RABEP1: variants seen among roughly 807,000 people sequenced by gnomAD.
RABEP1 encodes the protein rabaptin, RAB GTPase binding effector protein 1, also known as rab GTPase-binding effector protein 1.
RABEP1 carries 51 observed loss-of-function variants against 123.4 expected under a neutral mutation model. The ratio of observed to expected loss-of-function variants is 0.41; its 90% CI spans 0.33 to 0.52. RABEP1 has a LOEUF of 0.52. Among genes scored for constraint, RABEP1 ranks in the 20% least tolerant of loss-of-function variants. RABEP1 has a pLI of 0.16. For synonymous variants in RABEP1, 347 were observed against 355.2 expected, an observed-to-expected ratio of 0.98 and a Z score of 0.26; for missense variants, 888 against 996.3, an observed-to-expected ratio of 0.89 and a Z score of 1.46.
intron 1 of RABEP1, among the ~76,000 whole-genome samples, chr17:5,287,598 CAAAAAAAAA>C (rs55858409): frequency 2.6e-4 from 16 of 61,194 alleles, no homozygotes; most frequent in African/African-American, 9.5e-4. Context: ...GACTCTGTCG[CAAAAAAAAA>C]AAAAAAAAAA....
chr17:5,321,694 T>C (rs2075356503), intron 2 of RABEP1, among the ~76,000 whole-genome samples: 2 of 152,196 alleles, frequency 1.3e-5, no homozygotes. Context: ...GGATATTTCA[T>C]GCAACTGGAA....
chr17:5,373,259 A>T, intron 12 of RABEP1, 55 bp from the exon 13 acceptor site: 2 of 1,559,172 alleles, frequency 1.3e-6, no homozygotes, highest in South Asian at 1.2e-5. Flanking sequence ...TGGTGTAGCT[A>T]TCACCAGACC....
intron 5 of RABEP1, among the ~76,000 whole-genome samples, chr17:5,340,084 T>A (rs572224350): frequency 3.9e-5 from 6 of 152,332 alleles, no homozygotes; most frequent in Admixed American, 2.6e-4. Context: ...CAGATTAAAA[T>A]TGACCTTTAC....
In RABEP1 at chr17:5,282,474, C is replaced by G; in HGVS notation, c.-13C>G. 7.4e-7 allele frequency: 1 copy of G among 1,342,796 alleles called. No individual in the cohort carries two copies. The highest frequency in any genetic ancestry group is 9.6e-7 in the Non-Finnish European group (1 of 1,041,504). The allele number at this position is 1,342,796 out of a possible 1,614,324, so 83.2% of individuals were successfully genotyped here. ...CCCGCCCATCCCCGCTCCCCGAGGC[C>G]GGCCGCCTGGTCATGGCGCAGCCGG... On this transcript the variant is annotated 5_prime_UTR_variant, in exon 1 of 18. Transcript: ENST00000537505.
At chr17:5,292,882 A>G (rs962272596) in intron 1 of RABEP1, among the ~76,000 whole-genome samples, 1 of 152,244 alleles carries the variant, frequency 6.6e-6, no homozygotes, top group Middle Eastern at 3.4e-3. Flanking sequence ...AGGTTTTTCC[A>G]TGTTGCCCAG....
Position 5,346,793 on chromosome 17 carries a change from A to G in RABEP1, c.652A>G (p.Lys218Glu), listed in dbSNP as rs749735839. 11 of 1,558,342 alleles carry G rather than the reference A, an allele frequency of 7.1e-6. No individual in the cohort carries two copies. The highest frequency in any genetic ancestry group is 9.6e-6 in the Non-Finnish European group (11 of 1,149,470). ...ATGGAATTGCATCTTCTTTCAGGTT[A>G]AAGAACTGAATCATTATCTGGAAGC... is the stretch of plus-strand genomic sequence containing the variant. The part of the protein sequence containing the change: ...KIKELEASKV[K>E]ELNHYLEAEK... Residue 218 changes from lysine (K) to glutamate (E), a missense_variant, in exon 6 of 18, where the codon AAA becomes GAA. Coordinates refer to ENST00000537505, the MANE Select transcript of RABEP1 (RefSeq NM_004703.6).
intron 1 of RABEP1, among the ~76,000 whole-genome samples, chr17:5,289,307 T>G (rs2075010003): frequency 6.6e-6 from 1 of 151,934 alleles, no homozygotes; most frequent in Admixed American, 6.6e-5. Context: ...TCTTTGTAAA[T>G]TATATTAGCC....
rs753410845 is a variant in RABEP1, at chr17:5,343,670, C to CTTTTTTTTTTTT, written c.649-3108_649-3097dup. ...AAAAAGATTTCTTTCTTTCTTTTCTCTTTTTTTTTTTTTTTTTTTTTTTGA... is the reference window on the plus strand; with the variant it reads ...AAAAAGATTTCTTTCTTTCTTTTCTCTTTTTTTTTTTTTTTTTTTTTTTTTTTTTTTTTTTGA... On this transcript the variant is annotated intron_variant, in intron 5 of 17. Coordinates refer to ENST00000537505, the MANE Select transcript of RABEP1 (RefSeq NM_004703.6). 1.5e-4 allele frequency among the ~76,000 whole-genome samples: 15 copies of CTTTTTTTTTTTT among 99,934 alleles called. 1 individual carries two copies. The highest frequency in any genetic ancestry group is 2.3e-4 in the African/African-American group (6 of 25,722). 65.6% of individuals were successfully genotyped at this position (99,934 alleles called of 152,430 possible). A position where few individuals can be genotyped will look rare whatever the true frequency, so the allele number is the denominator to read the frequency against.
intron 3 of RABEP1, among the ~76,000 whole-genome samples, chr17:5,333,189 G>A (rs1906729190): frequency 6.6e-6 from 1 of 151,998 alleles, no homozygotes; most frequent in Admixed American, 6.6e-5. Context: ...TTGAGATGGA[G>A]TCTCACTCTG....
chr17:5,335,938 TGTTA>T lies in RABEP1; in HGVS notation c.528+598_528+601del, dbSNP rs1907038437. On this transcript the variant is annotated intron_variant, in intron 4 of 17. Coordinates refer to ENST00000537505, the MANE Select transcript of RABEP1 (RefSeq NM_004703.6). Reference sequence around the variant, plus strand: ...GTCTAAAGCAAAGTTTTAGAATAGATGTTAGTTTTCCTTCTTTCTCGGTATCCTT... The same window carrying T: ...GTCTAAAGCAAAGTTTTAGAATAGATGTTTTCCTTCTTTCTCGGTATCCTT... Among the ~76,000 whole-genome samples the T allele has an allele frequency of 2.6e-5, 4 of 152,276 alleles. No homozygotes were observed. The South Asian group carries it at 8.3e-4, about 32-fold the overall frequency.
chr17:5,318,905 A>G (rs943539980), intron 2 of RABEP1, among the ~76,000 whole-genome samples: 2 of 152,234 alleles, frequency 1.3e-5, no homozygotes, highest in African/African-American at 4.8e-5. Flanking sequence ...TCAACATTCA[A>G]AAATCAATGT....
chr17:5,336,283 T>G (rs1907075379), intron 4 of RABEP1, among the ~76,000 whole-genome samples: 1 of 152,182 alleles, frequency 6.6e-6, no homozygotes, highest in Non-Finnish European at 1.5e-5. Flanking sequence ...TTAGAACTGT[T>G]TTTGATTATC....
chr17:5,315,481 A>G lies in RABEP1; in HGVS notation c.163+6659A>G, dbSNP rs143189262. On this transcript the variant is annotated intron_variant, in intron 2 of 17. Coordinates refer to ENST00000537505, the MANE Select transcript of RABEP1 (RefSeq NM_004703.6). ...AAGGAATAGTAAAGAATATTTGAAG[A>G]GATAATAACTTAGATTTTTACTAAT... Among the ~76,000 whole-genome samples, 338 of 152,352 alleles carry G rather than the reference A, an allele frequency of 2.2e-3. 1 individual carries two copies. Among genetic ancestry groups the G allele is most frequent in the Middle Eastern group, 0.014 (4 of 294 alleles).
chr17:5,294,163 T>A (rs2075058590), intron 1 of RABEP1, among the ~76,000 whole-genome samples: 1 of 152,130 alleles, frequency 6.6e-6, no homozygotes, highest in African/African-American at 2.4e-5. Context: ...TTTGGGAGGC[T>A]GAGGCGGGGG....
chr17:5,332,092 A>G lies in RABEP1; in HGVS notation c.307A>G (p.Ile103Val). The G allele has an allele frequency of 3.1e-6, 5 of 1,614,184 alleles. No individual in the cohort carries two copies. The highest frequency in any genetic ancestry group is 1.3e-5 in the African/African-American group (1 of 75,058). ...TVSENTKQEA[I>V]DEVKRQWREE... The stretch of plus-strand genomic sequence containing the variant: ...CTCTGAGAACACCAAGCAAGAAGCT[A>G]TAGATGAAGTGAAAAGACAGTGGAG... The change falls in exon 3 of 18, where the codon ATA (isoleucine) becomes GTA (valine). Residue 103 changes from isoleucine (I) to valine (V), a missense_variant. By Grantham distance (29) the Ile-to-Val change is conservative (BLOSUM62 3). Transcript: ENST00000537505.
At chr17:5,347,912 C>T (rs1039940420) in intron 6 of RABEP1, among the ~76,000 whole-genome samples, 12 of 152,048 alleles carry the variant, frequency 7.9e-5, no homozygotes, top group Admixed American at 2.0e-4. Context: ...GAAAAGTATC[C>T]GAGAAGGTTA....
chr17:5,358,390 G>T (rs889900759), intron 8 of RABEP1, among the ~76,000 whole-genome samples: 1 of 152,010 alleles, frequency 6.6e-6, no homozygotes, highest in Non-Finnish European at 1.5e-5. Context: ...GAACTGCCTG[G>T]CCGGGCATGG....
chr17:5,300,464 C>T (rs1157210210), intron 1 of RABEP1, among the ~76,000 whole-genome samples: 1 of 152,140 alleles, frequency 6.6e-6, no homozygotes, highest in Non-Finnish European at 1.5e-5. Context: ...GATGTGTAGC[C>T]TTGACCACCC....
chr17:5,350,459 C>T lies in RABEP1; in HGVS notation c.793C>T (p.Leu265Phe). 1.9e-6 allele frequency: 3 copies of T among 1,610,908 alleles called. No homozygotes were observed. The highest frequency in any genetic ancestry group is 2.5e-6 in the Non-Finnish European group (3 of 1,178,972). Reference sequence around the variant, plus strand: ...GGGGGGTTCCTAAACAGTTTGCCATCTCTTGGAGCAAGAGCGACAACAACA... The same window carrying T: ...GGGGGGTTCCTAAACAGTTTGCCATTTCTTGGAGCAAGAGCGACAACAACA... ...LRKELHEVCH[L>F]LEQERQQHNQ... The change falls in exon 7 of 18, where the codon CTC (leucine) becomes TTC (phenylalanine). Residue 265 changes from leucine (L) to phenylalanine (F), a missense_variant. Leu to Phe is a conservative substitution (Grantham distance 22). Coordinates refer to ENST00000537505, the MANE Select transcript of RABEP1 (RefSeq NM_004703.6).
Sources: gnomAD v4.1 joint callset for allele counts (sites outside exome capture counted in the v4.1 genomes callset) on GRCh38, gnomAD v4.1.1 for gene constraint, MANE v1.5 for transcripts, NCBI Gene and HGNC (gene_info 2026-07-23, HGNC 2026-07-21) for gene names.